Variants in TMEM117 observed in about 807,000 individuals in gnomAD.
TMEM117 encodes the protein transmembrane protein 117.
A neutral mutation model predicts 52.4 loss-of-function variants in TMEM117; 27 were observed. The observed-to-expected ratio is 0.51, with a 90% CI of 0.38 to 0.71. The LOEUF (loss-of-function observed/expected upper bound fraction) is 0.71. Among genes scored for constraint, TMEM117 ranks in the 30% least tolerant of loss-of-function variants. TMEM117 has a pLI of 0.00. For synonymous variants in TMEM117, 215 were observed against 206.3 expected (o/e 1.04, Z -0.36); for missense variants, 556 against 630.5 (o/e 0.88, Z 1.26).
At chr12:44,231,752 TGTTCAA>T (rs1167547916) in intron 5 of TMEM117, among the ~76,000 whole-genome samples, 1 of 151,848 alleles carries the variant, frequency 6.6e-6, no homozygotes, top group Non-Finnish European at 1.5e-5. Context: ...CTGAAGTGCC[TGTTCAA>T]GTTTCTTGCC....
intron 5 of TMEM117, among the ~76,000 whole-genome samples, chr12:44,218,067 T>C (rs1418366428): frequency 6.6e-6 from 1 of 151,886 alleles, no homozygotes; most frequent in African/African-American, 2.4e-5. Flanking sequence ...CTACTAAAAA[T>C]ACAAAAATTG....
At chr12:44,282,171 C>T (rs2138597481) in intron 5 of TMEM117, among the ~76,000 whole-genome samples, 1 of 152,158 alleles carries the variant, frequency 6.6e-6, no homozygotes, top group East Asian at 1.9e-4. Flanking sequence ...CTGAGGCCTC[C>T]CTAGCCACGT....
chr12:44,041,053 C>T (rs1459048778), intron 3 of TMEM117, among the ~76,000 whole-genome samples: 2 of 152,108 alleles, frequency 1.3e-5, no homozygotes, highest in African/African-American at 4.8e-5. Context: ...TGATCTACTG[C>T]AAAAGTACAG....
intron 4 of TMEM117, among the ~76,000 whole-genome samples, chr12:44,205,376 A>G (rs954485715): frequency 3.9e-5 from 6 of 152,128 alleles, no homozygotes; most frequent in Admixed American, 1.3e-4. Context: ...AGACCTTCCC[A>G]GCCATGTGGA....
chr12:43,838,435 G>T (rs1176095596), intron 1 of TMEM117, among the ~76,000 whole-genome samples: 13 of 151,508 alleles, frequency 8.6e-5, no homozygotes, highest in Non-Finnish European at 1.6e-4. Flanking sequence ...GCTCTTTGAG[G>T]ACATTCCATA....
intron 4 of TMEM117, among the ~76,000 whole-genome samples, chr12:44,207,837 G>T (rs961312132): frequency 2.0e-5 from 3 of 151,934 alleles, no homozygotes; most frequent in Admixed American, 6.6e-5. Flanking sequence ...ATATATTTAG[G>T]GTTAGAACCC....
rs145680304 is a variant in TMEM117 at position 44,259,220 on chromosome 12, A to G, written c.609-40360A>G. Among the ~76,000 whole-genome samples, 605 of 152,282 alleles carry G rather than the reference A, an allele frequency of 4.0e-3. 3 individuals are homozygous for G. Among genetic ancestry groups the G allele is most frequent in the Admixed American group, 7.1e-3 (109 of 15,268 alleles). ...GCATTATACTAAATGTTCCAGCTAT[A>G]TAGCAACCTACAATATGAGTCCCTA... On this transcript the variant is annotated intron_variant, in intron 5 of 7. Transcript: ENST00000266534.
intron 3 of TMEM117, among the ~76,000 whole-genome samples, chr12:44,036,847 G>C (rs1946717985): frequency 1.3e-5 from 2 of 152,274 alleles, no homozygotes; most frequent in East Asian, 1.9e-4. Flanking sequence ...CTGCAGGTCT[G>C]TTCTTATTAT....
chr12:44,008,607 T>A (rs927760063), intron 3 of TMEM117: 1 of 206,728 alleles, frequency 4.8e-6, no homozygotes, highest in African/African-American at 2.4e-5. Flanking sequence ...GGTGAAGCTC[T>A]ATGTGGTAAC....
intron 3 of TMEM117, among the ~76,000 whole-genome samples, chr12:44,056,117 A>G (rs1947050985): frequency 6.6e-6 from 1 of 152,016 alleles, no homozygotes; most frequent in South Asian, 2.1e-4. Context: ...TTTTTAATTT[A>G]GAGATACGTT....
chr12:43,815,498 A>G, the TMEM117 span, among the ~76,000 whole-genome samples: 2 of 152,224 alleles, frequency 1.3e-5, no homozygotes, highest in Non-Finnish European at 2.9e-5. Flanking sequence ...GAGAGGTGTT[A>G]TAAGGATACA....
At chr12:44,171,216 C>T (rs1304329990) in intron 4 of TMEM117, among the ~76,000 whole-genome samples, 2 of 152,042 alleles carry the variant, frequency 1.3e-5, no homozygotes, top group Non-Finnish European at 2.9e-5. Flanking sequence ...AGGGTTTCAC[C>T]ATTTTAGCCG....
In TMEM117 at chr12:44,389,047, TC is replaced by T; in HGVS notation, c.*376del. ...GTGTGGAACAGTTACCTAACCTATT[TC>T]ACATGGGCGTTTTGTATACAACTAT... On this transcript the variant is annotated 3_prime_UTR_variant, in exon 8 of 8. Coordinates refer to ENST00000266534, the MANE Select transcript of TMEM117 (RefSeq NM_032256.3). 1.6e-5 allele frequency: 3 copies of T among 183,124 alleles called. No individual in the cohort carries two copies. Among genetic ancestry groups the T allele is most frequent in the Admixed American group, 5.3e-5 (1 of 18,698 alleles). 11.3% of individuals were successfully genotyped at this position (183,124 alleles called of 1,614,324 possible). A position where few individuals can be genotyped will look rare whatever the true frequency, so the allele number is the denominator to read the frequency against.
At chr12:44,106,030 A>G (rs562587893) in intron 3 of TMEM117, among the ~76,000 whole-genome samples, 1 of 152,108 alleles carries the variant, frequency 6.6e-6, no homozygotes, top group Admixed American at 6.6e-5. Flanking sequence ...CAATTTATCA[A>G]TTACAGTTCA....
the TMEM117 span, among the ~76,000 whole-genome samples, chr12:43,826,185 T>C: frequency 0.014 from 2,077 of 152,340 alleles, 20 homozygotes; most frequent in Non-Finnish European, 0.021. Flanking sequence ...ACTGAGGCTT[T>C]GCCATGACTG....
intron 6 of TMEM117, among the ~76,000 whole-genome samples, chr12:44,330,770 G>A (rs1190653267): frequency 6.6e-6 from 1 of 151,956 alleles, no homozygotes; most frequent in Non-Finnish European, 1.5e-5. Flanking sequence ...ATGTCCATAG[G>A]CAGCTTGTGC....
chr12:44,315,627 T>C (rs1241534238), intron 6 of TMEM117, among the ~76,000 whole-genome samples: 1 of 152,294 alleles, frequency 6.6e-6, no homozygotes, highest in Middle Eastern at 3.4e-3. Flanking sequence ...TGGGTATGAT[T>C]TCTATTTTTT....
chr12:44,058,940 A>C (rs1382821026), intron 3 of TMEM117, among the ~76,000 whole-genome samples: 1 of 152,184 alleles, frequency 6.6e-6, no homozygotes, highest in African/African-American at 2.4e-5. Context: ...TATGGAAGAC[A>C]ATTTTTCCAT....
In TMEM117 at chr12:43,944,097, T is replaced by C. The variant is rs1040721828; in HGVS notation, c.278-113T>C. ...TGGCTTCACTCATAAGGCAGTCTTA[T>C]GGCAAAGACTTCAGAATATAGTGAG... On this transcript the variant is annotated intron_variant, in intron 2 of 7. Transcript: ENST00000266534. 95 of 914,236 alleles carry C rather than the reference T, an allele frequency of 1.0e-4. No individual in the cohort carries two copies. In the African/African-American group the frequency reaches 1.5e-3, roughly 14 times the overall value. The allele number at this position is 914,236 out of a possible 1,614,324, so 56.6% of individuals were successfully genotyped here.
Sources: gnomAD v4.1 joint callset for allele counts (sites outside exome capture counted in the v4.1 genomes callset) on GRCh38, gnomAD v4.1.1 for gene constraint, MANE v1.5 for transcripts, NCBI Gene and HGNC (gene_info 2026-07-23, HGNC 2026-07-21) for gene names.